The following OTOG variants were observed in gnomAD, a reference collection of about 807,000 sequenced individuals.
OTOG encodes the protein otogelin.
In OTOG, 296 loss-of-function variants were observed where a neutral mutation model predicts 313.8. That is an observed-to-expected ratio of 0.94 (90% CI 0.86 to 1.04). The LOEUF is 1.04. Among genes scored for constraint, OTOG ranks in the 50% least tolerant of loss-of-function variants. The pLI, the probability that OTOG is intolerant of heterozygous loss-of-function variation, is 0.00. For synonymous variants in OTOG, 1,533 were observed against 1,554.9 expected, an observed-to-expected ratio of 0.99 and a Z score of 0.33; for missense variants, 3,948 against 3,840.1, an observed-to-expected ratio of 1.03 and a Z score of -0.74.
intron 39 of OTOG, among the ~76,000 whole-genome samples, chr11:17,615,646 A>G (rs184584618): frequency 2.0e-5 from 3 of 152,322 alleles, no homozygotes; most frequent in East Asian, 3.9e-4. Context: ...TTAAAAACCA[A>G]CTGGCCAGGC....
At chr11:17,562,237 CAAA>C (rs759962274) in intron 15 of OTOG, among the ~76,000 whole-genome samples, 1 of 62,686 alleles carries the variant, frequency 1.6e-5, no homozygotes, top group Admixed American at 1.8e-4. Flanking sequence ...GACTCCGTCT[CAAA>C]AAAAAAAAAA....
At chr11:17,570,524 C>G in intron 17 of OTOG, 134 bp downstream of exon 17, 1 of 824,560 alleles carries the variant, frequency 1.2e-6, no homozygotes, top group Non-Finnish European at 1.8e-6. Flanking sequence ...TTATTGATTT[C>G]TCTACATTTA....
intron 39 of OTOG, 114 bp downstream of exon 39, chr11:17,613,815 A>T: frequency 5.4e-6 from 4 of 746,352 alleles, no homozygotes; most frequent in East Asian, 2.9e-5. Flanking sequence ...AGGGGTGGGG[A>T]GGGGACCTTT....
intron 39 of OTOG, among the ~76,000 whole-genome samples, chr11:17,614,795 G>A (rs138739789): frequency 1.5e-3 from 225 of 152,284 alleles, no homozygotes; most frequent in African/African-American, 4.9e-3. Flanking sequence ...TTAACCAGTT[G>A]AAAGATATTT....
At chr11:17,554,404 C>A (rs1033050113) in intron 6 of OTOG, among the ~76,000 whole-genome samples, 6 of 152,210 alleles carry the variant, frequency 3.9e-5, no homozygotes, top group Non-Finnish European at 5.9e-5. Flanking sequence ...TATAGGAACA[C>A]GTGTGAAAGC....
At chr11:17,635,798 G>T in intron 47 of OTOG, 87 bp downstream of exon 47, 1 of 1,097,420 alleles carries the variant, frequency 9.1e-7, no homozygotes. Context: ...GGTTGACAGG[G>T]AGCAACAGAG....
At chr11:17,580,942 A>G (rs1852650655) in intron 23 of OTOG, among the ~76,000 whole-genome samples, 1 of 152,298 alleles carries the variant, frequency 6.6e-6, no homozygotes, top group African/African-American at 2.4e-5. Flanking sequence ...ACCACAGTGA[A>G]ATGATAATGG....
In OTOG at chr11:17,547,364, C is replaced by G; in HGVS notation, c.-9C>G. ...CTGCGCTCAAGTCCTCCGGTCCCCTCGTGTCCCTATGGGAGTCCTGGCGTC... is the reference window on the plus strand; with the variant it reads ...CTGCGCTCAAGTCCTCCGGTCCCCTGGTGTCCCTATGGGAGTCCTGGCGTC... On this transcript the variant is annotated 5_prime_UTR_variant, in exon 1 of 56. Transcript: ENST00000399397. 1 of 1,353,002 alleles carries G rather than the reference C, an allele frequency of 7.4e-7. No individual in the cohort carries two copies. Among genetic ancestry groups the G allele is most frequent in the Non-Finnish European group, 9.5e-7 (1 of 1,057,304 alleles). 83.8% of individuals were successfully genotyped at this position (1,353,002 alleles called of 1,614,324 possible).
At position 17,635,640 on chromosome 11, in the gene OTOG, A is replaced by G; in HGVS notation, c.7724A>G (p.Glu2575Gly). 1 of 1,550,446 alleles carries G rather than the reference A, an allele frequency of 6.4e-7. No individual in the cohort carries two copies. Among genetic ancestry groups the G allele is most frequent in the Non-Finnish European group, 8.7e-7 (1 of 1,146,934 alleles). ...GGTGACTGTCCAGACTCCATCCCCG[A>G]ATGTCAAGAAGGGGAGGCGCTCACT... is the stretch of plus-strand genomic sequence containing the variant. ...ACGDCPDSIP[E>G]CQEGEALTVH... Residue 2575 changes from glutamate (E) to glycine (G), a missense_variant, in exon 47 of 56, where the codon GAA becomes GGA. By Grantham distance (98) the Glu-to-Gly change is moderately conservative. Coordinates refer to ENST00000399397, the MANE Select transcript of OTOG (RefSeq NM_001292063.2).
intron 39 of OTOG, among the ~76,000 whole-genome samples, 177 bp downstream of exon 39, chr11:17,613,878 T>C (rs1266148614): frequency 6.6e-6 from 1 of 152,000 alleles, no homozygotes; most frequent in Admixed American, 6.5e-5. Context: ...ATAATTAGAA[T>C]GCTTGTGGCC....
chr11:17,634,513 G>A (rs1287750385), intron 44 of OTOG, among the ~76,000 whole-genome samples: 1 of 152,064 alleles, frequency 6.6e-6, no homozygotes, highest in Admixed American at 6.5e-5. Context: ...TCCCCCACCT[G>A]TAGCCTTGTG....
At chr11:17,595,103 G>A (rs998123732) in intron 28 of OTOG, among the ~76,000 whole-genome samples, 3 of 152,314 alleles carry the variant, frequency 2.0e-5, no homozygotes, top group Non-Finnish European at 4.4e-5. Flanking sequence ...CTGGGGTAAG[G>A]GAAGCAGTCG....
At position 17,576,898 on chromosome 11, in the gene OTOG, T is replaced by C. The variant is rs1160291626; in HGVS notation, c.2592T>C (p.Asp864=). 1.3e-6 allele frequency: 2 copies of C among 1,550,334 alleles called. No homozygotes were observed. The highest frequency in any genetic ancestry group is 1.4e-5 in the African/African-American group (1 of 73,042). The change falls in exon 22 of 56, where the codon GAT becomes GAC. Residue 864 remains aspartate, a synonymous_variant. Coordinates refer to ENST00000399397, the MANE Select transcript of OTOG (RefSeq NM_001292063.2). ...GCAAAGATGGAGTCATGAGCTGTGATAGCAGAGCCCCAGGTAAGGGTGGGT... is the reference window on the plus strand; with the variant it reads ...GCAAAGATGGAGTCATGAGCTGTGACAGCAGAGCCCCAGGTAAGGGTGGGT... The part of the protein sequence containing the change: ...CHCKDGVMSC[D]SRAPAAACPA...
chr11:17,639,408 C>T lies in OTOG; in HGVS notation c.7895-15C>T. 1.3e-6 allele frequency: 2 copies of T among 1,550,660 alleles called. No individual in the cohort carries two copies. The highest frequency in any genetic ancestry group is 1.2e-5 in the South Asian group (1 of 84,056). On this transcript the variant is annotated splice_polypyrimidine_tract_variant and intron_variant, in intron 48 of 55. Coordinates refer to ENST00000399397, the MANE Select transcript of OTOG (RefSeq NM_001292063.2). ...ATCCCTGATGAAGTGGGGCCTGGCC[C>T]CTTGTGTTTTTCAGAATGTGACTGT...
chr11:17,602,377 G>C lies in OTOG; in HGVS notation c.3877G>C (p.Asp1293His), dbSNP rs1045444996. Reference protein sequence around the residue: ...TAALYKAKAHDPDVVSLEAAD... With the variant: ...TAALYKAKAHHPDVVSLEAAD... ...TGCTCTGTACAAGGCCAAGGCCCAT[G>C]GTAAGGCCCATCCCAGTCCCACTCC... The change falls in exon 32 of 56, where the codon GAC becomes CAC. Residue 1293 changes from aspartate (D) to histidine (H), a missense_variant and splice_region_variant. Asp to His is a moderately conservative substitution (Grantham distance 81). Coordinates refer to ENST00000399397, the MANE Select transcript of OTOG (RefSeq NM_001292063.2). The C allele has an allele frequency of 1.3e-4, 197 of 1,549,556 alleles. No homozygotes were observed. The highest frequency in any genetic ancestry group is 1.6e-4 in the Non-Finnish European group (181 of 1,146,410).
At chr11:17,562,746 G>T (rs1458389184) in intron 15 of OTOG, among the ~76,000 whole-genome samples, 1 of 151,994 alleles carries the variant, frequency 6.6e-6, no homozygotes, top group African/African-American at 2.4e-5. Flanking sequence ...TAACTTTATC[G>T]TCTCTGCTTC....
rs1167764746 is a variant in OTOG at position 17,641,055 on chromosome 11, C to T, written c.8154C>T (p.Asn2718=). The part of the protein sequence containing the change: ...LDPLTNFYQI[N]TTSVLCDIHC... Reference sequence around the variant, plus strand: ...CTCTCACCAACTTCTACCAGATCAACACCACCTCCGTGCTCTGTGACATCC... The same window carrying T: ...CTCTCACCAACTTCTACCAGATCAATACCACCTCCGTGCTCTGTGACATCC... The change falls in exon 51 of 56, where the codon AAC becomes AAT. Residue 2718 remains asparagine, a synonymous_variant. Transcript: ENST00000399397. 2 of 1,546,352 alleles carry T rather than the reference C, an allele frequency of 1.3e-6. No homozygotes were observed. Among genetic ancestry groups the T allele is most frequent in the Admixed American group, 3.9e-5 (2 of 50,980 alleles).
intron 23 of OTOG, among the ~76,000 whole-genome samples, chr11:17,584,709 A>G (rs910387631): frequency 6.6e-6 from 1 of 152,154 alleles, no homozygotes; most frequent in African/African-American, 2.4e-5. Context: ...TATTTTTAGT[A>G]GAGAAGGGGG....
At chr11:17,589,776 T>C (rs1233063366) in intron 24 of OTOG, among the ~76,000 whole-genome samples, 2 of 152,214 alleles carry the variant, frequency 1.3e-5, no homozygotes, top group Non-Finnish European at 2.9e-5. Context: ...CATCATTCCT[T>C]CGAAACTATT....
Sources: allele counts gnomAD v4.1 joint callset (sites outside exome capture counted in the v4.1 genomes callset), GRCh38; gene constraint gnomAD v4.1.1; transcripts MANE v1.5; gene names NCBI Gene and HGNC (gene_info 2026-07-23, HGNC 2026-07-21).